Variants in NEURL1 observed in about 807,000 individuals in gnomAD.
NEURL1 encodes E3 ubiquitin-protein ligase NEURL1.
A neutral mutation model predicts 41.2 loss-of-function variants in NEURL1; 26 were observed. The observed-to-expected ratio is 0.63, with a 90% CI of 0.46 to 0.87. The LOEUF (loss-of-function observed/expected upper bound fraction) is 0.87. NEURL1 is among the 40% of genes least tolerant of loss of function. The probability of loss-of-function intolerance (pLI) is 0.00; values close to 1 mark genes in which losing one functional copy is unlikely to be tolerated. For missense variants in NEURL1, 761 were observed against 871.1 expected (o/e 0.87, Z 1.59); for synonymous variants, 400 against 402.3 (o/e 0.99, Z 0.07).
At chr10:103,541,944 C>T (rs2034828854) in intron 1 of NEURL1, among the ~76,000 whole-genome samples, 2 of 152,102 alleles carry the variant, frequency 1.3e-5, no homozygotes, top group Admixed American at 1.3e-4. Context: ...CCATGGTGGT[C>T]CCAGGAATTG....
Position 103,591,646 on chromosome 10 carries a change from A to G in NEURL1, c.*1274A>G, listed in dbSNP as rs2036050397. The stretch of plus-strand genomic sequence containing the variant: ...GGAGGCCTTTTGGCAAACAGTGTCT[A>G]TTTTACAGAGAGGCAAACCAAGCCT... On this transcript the variant is annotated 3_prime_UTR_variant, in exon 6 of 6. Transcript: ENST00000369780. The G allele has an allele frequency of 6.6e-6, 1 of 152,186 alleles. No homozygotes were observed. Among genetic ancestry groups the G allele is most frequent in the South Asian group, 2.1e-4 (1 of 4,824 alleles). 9.4% of individuals were successfully genotyped at this position (152,186 alleles called of 1,614,324 possible). A position where few individuals can be genotyped will look rare whatever the true frequency, so the allele number is the denominator to read the frequency against.
rs571622623 is a variant in NEURL1, at chr10:103,556,113, C to G, written c.86-14759C>G. On this transcript the variant is annotated intron_variant, in intron 1 of 5. Transcript: ENST00000369780. The surrounding 1 kb of genome is among the most constrained non-coding windows in gnomAD (Gnocchi z 4.4). Reference sequence around the variant, plus strand: ...GAGAACTTCTGAGCCCTGCAGGTCACGTCCACAGTCAGACAGACCCACAGC... The same window carrying G: ...GAGAACTTCTGAGCCCTGCAGGTCAGGTCCACAGTCAGACAGACCCACAGC... 2.6e-5 allele frequency among the ~76,000 whole-genome samples: 4 copies of G among 152,202 alleles called. No homozygotes were observed. In the East Asian group the frequency reaches 7.7e-4, roughly 29 times the overall value.
chr10:103,584,563 T>A lies in NEURL1; in HGVS notation c.677T>A (p.Leu226Gln). The A allele has an allele frequency of 7.1e-7, 1 of 1,411,310 alleles. No individual in the cohort carries two copies. The highest frequency in any genetic ancestry group is 9.2e-7 in the Non-Finnish European group (1 of 1,088,856). 87.4% of individuals were successfully genotyped at this position (1,411,310 alleles called of 1,614,324 possible). A position where few individuals can be genotyped will look rare whatever the true frequency, so the allele number is the denominator to read the frequency against. Residue 226 changes from leucine (L) to glutamine (Q), a missense_variant, in exon 4 of 6, where the codon CTG (leucine) becomes CAG (glutamine). Coordinates refer to ENST00000369780, the MANE Select transcript of NEURL1 (RefSeq NM_004210.5). Reference protein sequence around the residue: ...LDSELVLPDCLRPRSFTALRR... With the variant: ...LDSELVLPDCQRPRSFTALRR... The stretch of plus-strand genomic sequence containing the variant: ...AGCGAGCTGGTGCTCCCGGACTGTC[T>A]GCGGCCGCGCTCCTTCACCGCCCTG...
rs1316579603 is a variant in NEURL1, at chr10:103,590,346, A to G, written c.1699A>G (p.Ile567Val). Residue 567 changes from isoleucine (I) to valine (V), a missense_variant, in exon 6 of 6, where the codon ATC becomes GTC. Transcript: ENST00000369780. The stretch of plus-strand genomic sequence containing the variant: ...CATCTGCCGCCGCCCCATCAAGGAC[A>G]TCATCAAGACCTACCGCAGCTCCTA... ...CPICRRPIKD[I>V]IKTYRSS The G allele has an allele frequency of 1.9e-6, 3 of 1,614,098 alleles. No homozygotes were observed. The highest frequency in any genetic ancestry group is 2.5e-6 in the Non-Finnish European group (3 of 1,180,022).
At chr10:103,533,597 C>T (rs983120560) in intron 1 of NEURL1, among the ~76,000 whole-genome samples, 23 of 151,946 alleles carry the variant, frequency 1.5e-4, no homozygotes, top group African/African-American at 3.9e-4. Flanking sequence ...AGTGCAGTGG[C>T]GCGATCTTGG....
rs2033887864 is a variant in NEURL1, at chr10:103,503,964, TTTA to T, written c.85+9495_85+9497del. On this transcript the variant is annotated intron_variant, in intron 1 of 5. Coordinates refer to ENST00000369780, the MANE Select transcript of NEURL1 (RefSeq NM_004210.5). ...ACCATCATGCCTGGCTAGTATTTTA[TTTA>T]TTTATTTATTTATTTATTTATTTAT... Among the ~76,000 whole-genome samples, 34 of 63,486 alleles carry T rather than the reference TTTA, an allele frequency of 5.4e-4. No homozygotes were observed. In the South Asian group the frequency reaches 7.9e-3, roughly 15 times the overall value. The allele number at this position is 63,486 out of a possible 152,430, so 41.6% of individuals were successfully genotyped here. A position where few individuals can be genotyped will look rare whatever the true frequency, so the allele number is the denominator to read the frequency against.
intron 1 of NEURL1, among the ~76,000 whole-genome samples, chr10:103,559,477 G>T (rs991351224): frequency 6.6e-6 from 1 of 152,132 alleles, no homozygotes; most frequent in Non-Finnish European, 1.5e-5. Flanking sequence ...GGTGGCCTGA[G>T]GGGTGGGTGG....
chr10:103,569,947 AGGGCTGG>A (rs1196100682), intron 1 of NEURL1, among the ~76,000 whole-genome samples: 1 of 152,142 alleles, frequency 6.6e-6, no homozygotes, highest in Non-Finnish European at 1.5e-5. Flanking sequence ...GCCAACACAG[AGGGCTGG>A]GCCTCTCCCT....
chr10:103,500,160 T>C (rs10883875), intron 1 of NEURL1, among the ~76,000 whole-genome samples: 30,376 of 152,168 alleles, frequency 0.2, 3,499 homozygotes, highest in East Asian at 0.31. Flanking sequence ...CCATCCTGCA[T>C]GCCCTGTTGG....
At chr10:103,570,744 G>A (rs976804610) in intron 1 of NEURL1, 128 bp from the exon 2 acceptor site, 30 of 1,456,436 alleles carry the variant, frequency 2.1e-5, no homozygotes, top group African/African-American at 7.1e-5. Flanking sequence ...AAGGGGTGGC[G>A]GCAGTGGTGA....
rs2133877884 is a variant in NEURL1, at chr10:103,571,687, G to T, written c.514G>T (p.Val172Leu). The change falls in exon 3 of 6, where the codon GTG (valine) becomes TTG (leucine). Residue 172 changes from valine (V) to leucine (L), a missense_variant. Val to Leu is a conservative substitution (Grantham distance 32). Transcript: ENST00000369780. The part of the protein sequence containing the change: ...ANEGNIIAFW[V>L]DKKGRVFHRI... ...TGAGGGCAACATCATCGCATTCTGG[G>T]TGGACAAGAAGGGCCGTGTCTTCCA... 3.1e-6 allele frequency: 5 copies of T among 1,614,256 alleles called. No individual in the cohort carries two copies. The East Asian group carries it at 8.9e-5, about 29-fold the overall frequency.
At chr10:103,514,621 G>C (rs1592186832) in intron 1 of NEURL1, among the ~76,000 whole-genome samples, 1 of 152,196 alleles carries the variant, frequency 6.6e-6, no homozygotes. Context: ...GGGCAGGGCT[G>C]GTGGAGAACA....
At chr10:103,549,796 C>G (rs2034996818) in intron 1 of NEURL1, among the ~76,000 whole-genome samples, 1 of 152,206 alleles carries the variant, frequency 6.6e-6, no homozygotes, top group Non-Finnish European at 1.5e-5. Flanking sequence ...CCAGTGTTGT[C>G]TTCTATACCT....
chr10:103,549,527 G>A (rs2034991545), intron 1 of NEURL1, among the ~76,000 whole-genome samples: 1 of 152,234 alleles, frequency 6.6e-6, no homozygotes, highest in South Asian at 2.1e-4. Context: ...GGGGTTCCCT[G>A]CTTCCTATTC....
chr10:103,524,286 G>A (rs1368999700), intron 1 of NEURL1, among the ~76,000 whole-genome samples: 1 of 152,000 alleles, frequency 6.6e-6, no homozygotes, highest in African/African-American at 2.4e-5. Context: ...TTAATTGGAG[G>A]ATTTTTGTTT....
intron 1 of NEURL1, among the ~76,000 whole-genome samples, chr10:103,534,411 G>T (rs2034648655): frequency 6.6e-6 from 1 of 152,126 alleles, no homozygotes; most frequent in Non-Finnish European, 1.5e-5. Context: ...GGCTTTTGTA[G>T]AGAAAGGTTT....
At chr10:103,561,410 C>T (rs556037722) in intron 1 of NEURL1, among the ~76,000 whole-genome samples, 7 of 152,140 alleles carry the variant, frequency 4.6e-5, no homozygotes, top group South Asian at 2.1e-4. Flanking sequence ...TACAGGTGCC[C>T]GCCACCATAC....
intron 1 of NEURL1, among the ~76,000 whole-genome samples, chr10:103,539,599 A>G (rs1009442027): frequency 1.3e-5 from 2 of 152,224 alleles, no homozygotes; most frequent in Non-Finnish European, 1.5e-5. Flanking sequence ...TGGGGACACC[A>G]GGGAAGACAC....
chr10:103,523,536 C>G (rs148012467), intron 1 of NEURL1, among the ~76,000 whole-genome samples: 22 of 152,228 alleles, frequency 1.4e-4, no homozygotes, highest in African/African-American at 5.1e-4. Context: ...CTATAGAACA[C>G]TAGCACTTAT....
Sources: allele counts gnomAD v4.1 joint callset (sites outside exome capture counted in the v4.1 genomes callset), GRCh38; gene constraint gnomAD v4.1.1; non-coding constraint Gnocchi (gnomAD v3.1); transcripts MANE v1.5; gene names NCBI Gene and HGNC (gene_info 2026-07-23, HGNC 2026-07-21).